The following AARS2 variants were observed in gnomAD, a reference collection of about 807,000 sequenced individuals.
The protein encoded by AARS2 is alanine--tRNA ligase, mitochondrial.
A neutral mutation model predicts 119.7 loss-of-function variants in AARS2; 78 were observed. The ratio of observed to expected loss-of-function variants is 0.65; its 90% CI spans 0.54 to 0.79. The LOEUF (loss-of-function observed/expected upper bound fraction) is 0.79, where lower values mean the gene tolerates loss of function less well. AARS2 is among the 30% of genes least tolerant of loss of function. The pLI, the probability that AARS2 is intolerant of heterozygous loss-of-function variation, is 0.00. For synonymous variants in AARS2, 502 were observed against 526.3 expected, an observed-to-expected ratio of 0.95 and a Z score of 0.63; for missense variants, 1,157 against 1,291.3, an observed-to-expected ratio of 0.90 and a Z score of 1.59.
Position 44,299,435 on chromosome 6 carries a change from T to C in AARS2, c.*1112A>G, listed in dbSNP as rs1217486951. On this transcript the variant is annotated 3_prime_UTR_variant, in exon 22 of 22. Coordinates refer to ENST00000244571, the MANE Select transcript of AARS2 (RefSeq NM_020745.4). ...TGGGAGGCTGAGGCATAAAGATTAC[T>C]TTTTTTTTTTTTTGTAGACAGGGTC... Among the ~76,000 whole-genome samples the C allele has an allele frequency of 1.4e-5, 2 of 138,712 alleles. No individual in the cohort carries two copies. The highest frequency in any genetic ancestry group is 3.1e-5 in the Non-Finnish European group (2 of 64,048). 91.0% of individuals were successfully genotyped at this position (138,712 alleles called of 152,430 possible).
At chr6:44,306,795 G>C in intron 7 of AARS2, 128 bp downstream of exon 7, 2 of 926,478 alleles carry the variant, frequency 2.2e-6, no homozygotes, top group South Asian at 2.7e-5. Context: ...CTTGCTGATA[G>C]GATGCTGGGC....
chr6:44,311,632 G>A, intron 2 of AARS2, 97 bp from the exon 3 acceptor site: 1 of 1,416,552 alleles, frequency 7.1e-7, no homozygotes, highest in Non-Finnish European at 9.8e-7. Context: ...CCCGACTTAA[G>A]ACAAAAGCAT....
Position 44,311,485 on chromosome 6 carries a change from GA to G in AARS2, c.485del (p.Ile162ThrfsTer30), listed in dbSNP as rs1786346199. On this transcript the variant is annotated frameshift_variant, in exon 3 of 22. Transcript: ENST00000244571. LOFTEE classifies it high-confidence loss of function. Reference protein sequence around the residue: ...AWELLTQVYGIPEERLWISYF... With the variant: ...AWELLTQVYGXPEERLWISYF... ...AGGAGATCCAGAGCCTTTCCTCAGGGATCCCATAGACCTGAGTCAGCAGTTC... is the reference window on the plus strand; with the variant it reads ...AGGAGATCCAGAGCCTTTCCTCAGGGTCCCATAGACCTGAGTCAGCAGTTC... 1 of 1,613,892 alleles carries G rather than the reference GA, an allele frequency of 6.2e-7. No homozygotes were observed. The highest frequency in any genetic ancestry group is 2.2e-5 in the East Asian group (1 of 44,852).
chr6:44,301,262 A>G lies in AARS2; in HGVS notation c.2687T>C (p.Leu896Pro). The change falls in exon 21 of 22, where the codon CTG (leucine) becomes CCG (proline). Residue 896 changes from leucine to proline, a missense_variant. Leu to Pro is a moderately conservative substitution (Grantham distance 98). Coordinates refer to ENST00000244571, the MANE Select transcript of AARS2 (RefSeq NM_020745.4). ...ACACAGCTGCCGTACCACCTTCACC[A>G]GCACCTGGACCACGAAAGACAGATG... ...DTVSAESLSV[L>P]VKVVRQLCEQ... 1.2e-6 allele frequency: 2 copies of G among 1,613,926 alleles called. No individual in the cohort carries two copies.
In AARS2 at chr6:44,305,071, C is replaced by T. The variant is rs368353468; in HGVS notation, c.1562G>A (p.Arg521Gln). ...GCTCTCACCATAACTTCCGCTGGGT[C>T]GCAGGGAGTAGTTGTACTTGGGGCT... The part of the protein sequence containing the change: ...DDSPKYNYSL[R>Q]PSGSYEFGTC... The change falls in exon 11 of 22, where the codon CGA becomes CAA. Residue 521 changes from arginine to glutamine, a missense_variant. Transcript: ENST00000244571. The surrounding 1 kb of genome is among the most constrained non-coding windows in gnomAD (Gnocchi z 4.6). 1.1e-5 allele frequency: 17 copies of T among 1,613,964 alleles called. No individual in the cohort carries two copies. The highest frequency in any genetic ancestry group is 2.2e-5 in the East Asian group (1 of 44,900).
chr6:44,302,377 G>A lies in AARS2; in HGVS notation c.2487+14C>T. On this transcript the variant is annotated intron_variant, in intron 18 of 21. Transcript: ENST00000244571. ...AGGGCTAGGAGAGGGTGGGGTGGTAGGCGTGGCCCTCACTTCAATGAGTCG... is the reference window on the plus strand; with the variant it reads ...AGGGCTAGGAGAGGGTGGGGTGGTAAGCGTGGCCCTCACTTCAATGAGTCG... 6.2e-7 allele frequency: 1 copy of A among 1,614,072 alleles called. No homozygotes were observed. The highest frequency in any genetic ancestry group is 1.1e-5 in the South Asian group (1 of 91,074).
In AARS2 at chr6:44,307,055, A is replaced by C. The variant is rs374208387; in HGVS notation, c.1041-24T>G. ...GCCTAAAGGGGTTCAGAGCCCAGACATGAATCCCCAGCGGCTCATGGTCAG... is the reference window on the plus strand; with the variant it reads ...GCCTAAAGGGGTTCAGAGCCCAGACCTGAATCCCCAGCGGCTCATGGTCAG... On this transcript the variant is annotated intron_variant, in intron 6 of 21. Transcript: ENST00000244571. The surrounding 1 kb of genome is among the most constrained non-coding windows in gnomAD (Gnocchi z 4.4). 1.2e-6 allele frequency: 2 copies of C among 1,611,764 alleles called. No homozygotes were observed. The highest frequency in any genetic ancestry group is 4.5e-5 in the East Asian group (2 of 44,870).
Position 44,301,266 on chromosome 6 carries a change from C to A in AARS2, c.2683G>T (p.Val895Leu), listed in dbSNP as rs772998554. ...AGCTGCCGTACCACCTTCACCAGCA[C>A]CTGGACCACGAAAGACAGATGGTGA... The part of the protein sequence containing the change: ...VDTVSAESLS[V>L]LVKVVRQLCE... Residue 895 changes from valine (V) to leucine (L), a missense_variant and splice_region_variant, in exon 21 of 22, where the codon GTG (valine) becomes TTG (leucine). Val to Leu is a conservative substitution (Grantham distance 32). Coordinates refer to ENST00000244571, the MANE Select transcript of AARS2 (RefSeq NM_020745.4). 3 of 1,613,954 alleles carry A rather than the reference C, an allele frequency of 1.9e-6. No homozygotes were observed. In the South Asian group the frequency reaches 3.3e-5, roughly 18 times the overall value.
At chr6:44,311,565 G>GGA (rs1554149112) in intron 2 of AARS2, 30 bp from the exon 3 acceptor site, 1 of 1,612,606 alleles carries the variant, frequency 6.2e-7, no homozygotes, top group African/African-American at 1.3e-5. Flanking sequence ...GGGGTGGGGG[G>GGA]GGAAGACGGG....
chr6:44,310,498 C>A (rs1251311665), intron 4 of AARS2, 55 bp from the exon 5 acceptor site: 8 of 1,605,354 alleles, frequency 5.0e-6, no homozygotes, highest in East Asian at 4.5e-5. Flanking sequence ...AGGTGTGAGA[C>A]AGATGCCCAA....
chr6:44,303,032 C>T (rs1321492865), intron 16 of AARS2, 34 bp downstream of exon 16: 1 of 1,611,760 alleles, frequency 6.2e-7, no homozygotes, highest in Non-Finnish European at 8.5e-7. Context: ...GGATCCGGGG[C>T]CCCTGGGCCA....
intron 13 of AARS2, 48 bp downstream of exon 13, chr6:44,304,372 G>A (rs372443201): frequency 1.2e-6 from 2 of 1,614,196 alleles, no homozygotes; most frequent in South Asian, 1.1e-5. Context: ...GGGGTTGGGA[G>A]AGTGAAGGGG....
chr6:44,298,824 A>G lies in AARS2; in HGVS notation c.*1723T>C, dbSNP rs1046782664. Reference sequence around the variant, plus strand: ...GAGGCCCTTTCCTTCATCTAGCAACAGAGATCTAGGAACAAAGGCAGAGGT... The same window carrying G: ...GAGGCCCTTTCCTTCATCTAGCAACGGAGATCTAGGAACAAAGGCAGAGGT... On this transcript the variant is annotated 3_prime_UTR_variant, in exon 22 of 22. Coordinates refer to ENST00000244571, the MANE Select transcript of AARS2 (RefSeq NM_020745.4). 1.3e-5 allele frequency among the ~76,000 whole-genome samples: 2 copies of G among 152,194 alleles called. No individual in the cohort carries two copies. Among genetic ancestry groups the G allele is most frequent in the Non-Finnish European group, 2.9e-5 (2 of 68,028 alleles).
In AARS2 at chr6:44,305,223, A is replaced by G. The variant is rs369567852; in HGVS notation, c.1435-25T>C. The G allele has an allele frequency of 4.2e-5, 67 of 1,608,260 alleles. No homozygotes were observed. The highest frequency in any genetic ancestry group is 2.1e-4 in the Middle Eastern group (1 of 4,796). On this transcript the variant is annotated intron_variant, in intron 10 of 21. Coordinates refer to ENST00000244571, the MANE Select transcript of AARS2 (RefSeq NM_020745.4). This position sits in a 1 kb window ranked among gnomAD's most constrained non-coding sequence, Gnocchi z 4.6. ...GCTGCAGGGTGGGCATGGGCATGGA[A>G]GAAGTGCATGGAGAATGAAAGAATG... is the stretch of plus-strand genomic sequence containing the variant.
Position 44,306,543 on chromosome 6 carries a change from T to A in AARS2, c.1150-11A>T. 1 of 1,613,648 alleles carries A rather than the reference T, an allele frequency of 6.2e-7. No homozygotes were observed. The highest frequency in any genetic ancestry group is 8.5e-7 in the Non-Finnish European group (1 of 1,179,900). Reference sequence around the variant, plus strand: ...TGGATAAGCATCTCCCTGGGGGAGGTGGAGAGGGCTGAGGAGGTGTGAAAG... The same window carrying A: ...TGGATAAGCATCTCCCTGGGGGAGGAGGAGAGGGCTGAGGAGGTGTGAAAG... On this transcript the variant is annotated splice_polypyrimidine_tract_variant and intron_variant, in intron 7 of 21. Transcript: ENST00000244571.
At position 44,305,186 on chromosome 6, in the gene AARS2, G is replaced by C. The variant is rs903284952; in HGVS notation, c.1447C>G (p.Gln483Glu). 3 of 1,612,280 alleles carry C rather than the reference G, an allele frequency of 1.9e-6. No individual in the cohort carries two copies. The highest frequency in any genetic ancestry group is 2.7e-5 in the African/African-American group (2 of 74,918). The change falls in exon 11 of 22, where the codon CAG (glutamine) becomes GAG (glutamate). Residue 483 changes from glutamine (Q) to glutamate (E), a missense_variant. Transcript: ENST00000244571. This position sits in a 1 kb window ranked among gnomAD's most constrained non-coding sequence, Gnocchi z 4.6. ...CCCTGCTTCTGAACTGGCTCAGCCT[G>C]CCGTGCCCGGTGCTGCAGGGTGGGC... ...AQEEAQHRARQAEPVQKQGLW... is the reference protein window; with the variant it reads ...AQEEAQHRAREAEPVQKQGLW...
chr6:44,305,645 G>C lies in AARS2; in HGVS notation c.1434+8C>G, dbSNP rs748198113. ...ACAGAACCCAGCATGGGGTGCCACA[G>C]CTTGTACCTGGGCCTCCTCTTGGGC... is the stretch of plus-strand genomic sequence containing the variant. On this transcript the variant is annotated splice_region_variant and intron_variant, in intron 10 of 21. Coordinates refer to ENST00000244571, the MANE Select transcript of AARS2 (RefSeq NM_020745.4). This position sits in a 1 kb window ranked among gnomAD's most constrained non-coding sequence, Gnocchi z 4.6. 6.2e-7 allele frequency: 1 copy of C among 1,613,862 alleles called. No homozygotes were observed. Among genetic ancestry groups the C allele is most frequent in the Admixed American group, 1.7e-5 (1 of 60,012 alleles).
At chr6:44,310,256 G>C (rs1219152744) in intron 5 of AARS2, 43 bp downstream of exon 5, 4 of 1,559,700 alleles carry the variant, frequency 2.6e-6, no homozygotes, top group Non-Finnish European at 3.5e-6. Context: ...TGAGGGCTGT[G>C]AAGAGCAGGT....
Position 44,306,959 on chromosome 6 carries a change from G to T in AARS2, c.1113C>A (p.Phe371Leu). 6.2e-7 allele frequency: 1 copy of T among 1,614,112 alleles called. No individual in the cohort carries two copies. Among genetic ancestry groups the T allele is most frequent in the Non-Finnish European group, 8.5e-7 (1 of 1,180,000 alleles). The change falls in exon 7 of 22, where the codon TTC becomes TTA. Residue 371 changes from phenylalanine (F) to leucine (L), a missense_variant. By Grantham distance (22) the Phe-to-Leu change is conservative. Coordinates refer to ENST00000244571, the MANE Select transcript of AARS2 (RefSeq NM_020745.4). ...SMEILKAPPG[F>L]LGSLVPVVVE... ...CCACTACAGGTACCAGGCTGCCTAG[G>T]AAGCCAGGTGGTGCCTTTAAGATCT...
Sources: allele counts gnomAD v4.1 joint callset (sites outside exome capture counted in the v4.1 genomes callset), GRCh38; gene constraint gnomAD v4.1.1; non-coding constraint Gnocchi (gnomAD v3.1); transcripts MANE v1.5; gene names NCBI Gene and HGNC (gene_info 2026-07-23, HGNC 2026-07-21).